EML4: variants seen among roughly 807,000 people sequenced by gnomAD.
EML4 encodes the protein echinoderm microtubule-associated protein-like 4.
EML4 carries 72 observed loss-of-function variants against 129.0 expected under a neutral mutation model. The observed-to-expected ratio is 0.56, with a 90% CI of 0.46 to 0.68. The LOEUF (loss-of-function observed/expected upper bound fraction) is 0.68, where lower values mean the gene tolerates loss of function less well. EML4 is among the 30% of genes least tolerant of loss of function. The pLI is 0.00. For synonymous variants in EML4, 532 were observed against 405.0 expected, an observed-to-expected ratio of 1.31 and a Z score of -3.77; for missense variants, 1,363 against 1,190.6, an observed-to-expected ratio of 1.14 and a Z score of -2.13.
chr2:42,214,866 T>A (rs879413006), intron 1 of EML4, among the ~76,000 whole-genome samples: 2 of 152,140 alleles, frequency 1.3e-5, no homozygotes. Flanking sequence ...GAAAACAGTC[T>A]TAGATTCTGC....
intron 1 of EML4, among the ~76,000 whole-genome samples, chr2:42,240,202 G>A (rs1485863885): frequency 6.6e-6 from 1 of 152,150 alleles, no homozygotes; most frequent in Non-Finnish European, 1.5e-5. Context: ...GAGGAAACTT[G>A]TTTTAAGAAG....
At chr2:42,303,554 A>T in intron 16 of EML4, 108 bp downstream of exon 16, 22 of 1,191,862 alleles carry the variant, frequency 1.8e-5, no homozygotes, top group Non-Finnish European at 2.7e-5. Context: ...ACCAAATGTA[A>T]ACATATGGTT....
intron 1 of EML4, among the ~76,000 whole-genome samples, chr2:42,208,926 A>G (rs945825595): frequency 6.6e-6 from 1 of 152,082 alleles, no homozygotes; most frequent in African/African-American, 2.4e-5. Flanking sequence ...AAGTCCCTAT[A>G]GGTACCCATC....
intron 19 of EML4, among the ~76,000 whole-genome samples, chr2:42,318,970 T>C (rs1411563272): frequency 6.6e-6 from 1 of 152,092 alleles, no homozygotes; most frequent in Non-Finnish European, 1.5e-5. Context: ...CCTCCCGAAG[T>C]GATGAGATTA....
At chr2:42,190,055 T>C (rs923947010) in intron 1 of EML4, among the ~76,000 whole-genome samples, 1 of 152,084 alleles carries the variant, frequency 6.6e-6, no homozygotes, top group Admixed American at 6.5e-5. Flanking sequence ...ATAATTTGAT[T>C]TTAAATTTAG....
At chr2:42,191,930 A>G (rs1199072772) in intron 1 of EML4, among the ~76,000 whole-genome samples, 2 of 152,070 alleles carry the variant, frequency 1.3e-5, no homozygotes, top group African/African-American at 4.8e-5. Context: ...ATTTGAGGTC[A>G]GGAGTTTGAG....
rs373717285 is a variant in EML4, at chr2:42,285,736, C to T, written c.1012-533C>T. On this transcript the variant is annotated intron_variant, in intron 9 of 22. Coordinates refer to ENST00000318522, the MANE Select transcript of EML4 (RefSeq NM_019063.5). ...GCCTCAGCCTCCTGAGTAGCTGTGA[C>T]TACAGGCGCGTACTACCATGCCTGG... Among the ~76,000 whole-genome samples, 40 of 152,056 alleles carry T rather than the reference C, an allele frequency of 2.6e-4. No homozygotes were observed. In the East Asian group the frequency reaches 3.9e-3, roughly 15 times the overall value.
chr2:42,193,446 C>T (rs1302329997), intron 1 of EML4, among the ~76,000 whole-genome samples: 1 of 152,164 alleles, frequency 6.6e-6, no homozygotes, highest in Non-Finnish European at 1.5e-5. Flanking sequence ...ATGGTGTCTG[C>T]TGTGTGATTG....
At chr2:42,222,590 A>G (rs1673677131) in intron 1 of EML4, among the ~76,000 whole-genome samples, 1 of 152,146 alleles carries the variant, frequency 6.6e-6, no homozygotes, top group South Asian at 2.1e-4. Context: ...CTGGTCCTTA[A>G]CAGAAAAAGT....
rs192986746 is a variant in EML4 at position 42,324,429 on chromosome 2, G to A, written c.2155-1038G>A. Among the ~76,000 whole-genome samples the A allele has an allele frequency of 1.1e-3, 161 of 152,262 alleles. 1 individual carries two copies. The highest frequency in any genetic ancestry group is 0.01 in the Admixed American group (155 of 15,308). On this transcript the variant is annotated intron_variant, in intron 19 of 22. Coordinates refer to ENST00000318522, the MANE Select transcript of EML4 (RefSeq NM_019063.5). ...CTGGGAGTTCAAGACCAGCCTCGGC[G>A]ATGTGGTGAAACCTTGTCTCTGCAG...
intron 8 of EML4, 131 bp downstream of exon 8, chr2:42,283,103 T>G: frequency 1.1e-6 from 1 of 875,956 alleles, no homozygotes; most frequent in Non-Finnish European, 1.7e-6. Flanking sequence ...GGTCATCTGT[T>G]GAATATATTT....
intron 2 of EML4, among the ~76,000 whole-genome samples, chr2:42,255,070 G>C (rs754389479): frequency 1.3e-5 from 2 of 151,648 alleles, no homozygotes; most frequent in African/African-American, 2.4e-5. Flanking sequence ...TAATGGATAC[G>C]CGGTTTTTGT....
intron 1 of EML4, among the ~76,000 whole-genome samples, chr2:42,192,959 G>A (rs1671687411): frequency 6.6e-6 from 1 of 152,150 alleles, no homozygotes; most frequent in Non-Finnish European, 1.5e-5. Flanking sequence ...AGACTCTGAG[G>A]TAGTATAGTG....
intron 1 of EML4, 36 bp downstream of exon 1, chr2:42,169,672 A>G (rs754232940): frequency 1.3e-6 from 2 of 1,593,536 alleles, no homozygotes; most frequent in East Asian, 4.7e-5. Flanking sequence ...TCTTCTGCGA[A>G]GGGTAGGAAC....
At chr2:42,259,752 C>T (rs1456473874) in intron 3 of EML4, among the ~76,000 whole-genome samples, 15 of 105,554 alleles carry the variant, frequency 1.4e-4, no homozygotes, top group Admixed American at 5.3e-4. Context: ...TTTTTTGAGA[C>T]GGCGTCTCGC....
intron 13 of EML4, among the ~76,000 whole-genome samples, chr2:42,300,798 G>A (rs72798527): frequency 0.064 from 9,678 of 152,204 alleles, 394 homozygotes; most frequent in South Asian, 0.091. Flanking sequence ...CTTGAGCCTA[G>A]TCACAGCTTT....
chr2:42,251,365 T>C (rs1675756040), intron 2 of EML4, among the ~76,000 whole-genome samples: 1 of 152,240 alleles, frequency 6.6e-6, no homozygotes, highest in African/African-American at 2.4e-5. Context: ...GACTGTATAT[T>C]GGCAGGTGTT....
intron 3 of EML4, among the ~76,000 whole-genome samples, chr2:42,258,748 A>G (rs1418671129): frequency 6.6e-6 from 1 of 152,200 alleles, no homozygotes; most frequent in Non-Finnish European, 1.5e-5. Context: ...AACACAAAGT[A>G]GATAGTCAAG....
chr2:42,201,043 A>G (rs1672202285), intron 1 of EML4, among the ~76,000 whole-genome samples: 1 of 152,170 alleles, frequency 6.6e-6, no homozygotes. Flanking sequence ...TAGTACTTTT[A>G]AGTTCTTTTA....
Sources: allele counts gnomAD v4.1 joint callset (sites outside exome capture counted in the v4.1 genomes callset), GRCh38; gene constraint gnomAD v4.1.1; transcripts MANE v1.5; gene names NCBI Gene and HGNC (gene_info 2026-07-23, HGNC 2026-07-21).